The following JPT2 variants were observed in gnomAD, a reference collection of about 807,000 sequenced individuals.
JPT2 encodes CRAMP_1 like.
JPT2 carries 9 observed loss-of-function variants against 15.9 expected under a neutral mutation model. The ratio of observed to expected loss-of-function variants is 0.57; its 90% CI spans 0.34 to 0.99. The LOEUF (loss-of-function observed/expected upper bound fraction) is 0.99. JPT2 is among the 50% of genes least tolerant of loss of function. The pLI, the probability that JPT2 is intolerant of heterozygous loss-of-function variation, is 0.02. For missense variants in JPT2, 267 were observed against 252.1 expected (o/e 1.06, Z -0.40); for synonymous variants, 95 against 91.7 (o/e 1.04, Z -0.21).
At chr16:1,697,916 T>C in intron 4 of JPT2, 56 bp downstream of exon 4, 8 of 1,483,478 alleles carry the variant, frequency 5.4e-6, no homozygotes, top group Non-Finnish European at 7.5e-6. Flanking sequence ...TCTGGAAGAG[T>C]TGCTAGTCTC....
chr16:1,697,771 T>C, intron 3 of JPT2, 41 bp from the exon 4 acceptor site: 1 of 1,601,526 alleles, frequency 6.2e-7, no homozygotes. Context: ...AGGGTAAAAT[T>C]TTCTGAGTGA....
Position 1,682,205 on chromosome 16 carries a change from G to A in JPT2, c.45-3234G>A, listed in dbSNP as rs141806366. On this transcript the variant is annotated intron_variant, in intron 1 of 4. Coordinates refer to ENST00000248098, the MANE Select transcript of JPT2 (RefSeq NM_144570.3). ...AGCCTGGCCGACGTGGTGAAACCCC[G>A]TCTGTACTAAAAATACAAAAAAATA... 1.3e-4 allele frequency among the ~76,000 whole-genome samples: 20 copies of A among 151,852 alleles called. No homozygotes were observed. The East Asian group carries it at 2.7e-3, about 21-fold the overall frequency.
chr16:1,695,172 G>A (rs1461309019), intron 3 of JPT2, among the ~76,000 whole-genome samples: 1 of 152,124 alleles, frequency 6.6e-6, no homozygotes, highest in African/African-American at 2.4e-5. Context: ...TTGGGAGGCC[G>A]AGGCAGGCGG....
At chr16:1,680,391 C>A (rs903772423) in intron 1 of JPT2, 41 of 1,085,082 alleles carry the variant, frequency 3.8e-5, no homozygotes, top group Middle Eastern at 2.6e-4. Flanking sequence ...TAAAGTCATA[C>A]TCACACTACC....
chr16:1,692,266 G>A lies in JPT2; in HGVS notation c.336+281G>A, dbSNP rs537581438. 264 of 445,134 alleles carry A rather than the reference G, an allele frequency of 5.9e-4. 1 individual carries two copies. Among genetic ancestry groups the A allele is most frequent in the African/African-American group, 4.8e-3 (243 of 50,528 alleles). 27.6% of individuals were successfully genotyped at this position (445,134 alleles called of 1,614,324 possible). ...TGGCGGCTCCTCACTGCAGTGCTGC[G>A]GGGCGCGGAGAAGCGGTGGGGAGCG... On this transcript the variant is annotated intron_variant, in intron 3 of 4. Coordinates refer to ENST00000248098, the MANE Select transcript of JPT2 (RefSeq NM_144570.3).
chr16:1,679,743 C>G (rs1393290714), intron 1 of JPT2, among the ~76,000 whole-genome samples: 2 of 149,262 alleles, frequency 1.3e-5, no homozygotes, highest in Admixed American at 1.3e-4. Context: ...GGTCAGTATT[C>G]AGTAATACTT....
downstream of JPT2, chr16:1,702,272 C>G (rs866137674): frequency 4.7e-6 from 2 of 429,070 alleles, no homozygotes. Context: ...AACCAACATG[C>G]ATTAACTGAA....
At chr16:1,693,215 G>C (rs2037116436) in intron 3 of JPT2, among the ~76,000 whole-genome samples, 1 of 152,178 alleles carries the variant, frequency 6.6e-6, no homozygotes, top group African/African-American at 2.4e-5. Context: ...TTCTGCCTCA[G>C]CGTCCCGAGT....
intron 1 of JPT2, chr16:1,683,667 T>C (rs565257549): frequency 9.6e-7 from 1 of 1,039,580 alleles, no homozygotes; most frequent in Admixed American, 2.1e-5. Context: ...ACTGAAGCAC[T>C]CTCTGCCTTC....
In JPT2 at chr16:1,698,317, C is replaced by T. The variant is rs971351717; in HGVS notation, c.385+457C>T. Among the ~76,000 whole-genome samples the T allele has an allele frequency of 8.5e-5, 13 of 152,240 alleles. No individual in the cohort carries two copies. Among genetic ancestry groups the T allele is most frequent in the Admixed American group, 8.5e-4 (13 of 15,288 alleles). ...TCTCCCCACGGCTCTTTAGCCTGACCATGGGCATCGGTTTCTGCCTTTGGG... is the reference window on the plus strand; with the variant it reads ...TCTCCCCACGGCTCTTTAGCCTGACTATGGGCATCGGTTTCTGCCTTTGGG... On this transcript the variant is annotated intron_variant, in intron 4 of 4. Transcript: ENST00000248098. This position sits in a 1 kb window ranked among gnomAD's most constrained non-coding sequence, Gnocchi z 4.9.
rs774088215 is a variant in JPT2, at chr16:1,684,959, A to C, written c.45-480A>C. 5.9e-4 allele frequency among the ~76,000 whole-genome samples: 90 copies of C among 151,976 alleles called. 1 individual carries two copies. The highest frequency in any genetic ancestry group is 1.3e-3 in the African/African-American group (54 of 41,364). On this transcript the variant is annotated intron_variant, in intron 1 of 4. Transcript: ENST00000248098. ...TTTAAGGGAAACTAAAGAGCAGCAG[A>C]AGTAGTCTGGCGTCTGTAAACTAGT...
At chr16:1,692,923 A>G (rs567484430) in intron 3 of JPT2, among the ~76,000 whole-genome samples, 3 of 152,180 alleles carry the variant, frequency 2.0e-5, no homozygotes, top group Non-Finnish European at 4.4e-5. Flanking sequence ...TAAAATGGAA[A>G]TGTAGACAGA....
At chr16:1,684,916 A>C (rs1023626970) in intron 1 of JPT2, among the ~76,000 whole-genome samples, 1 of 150,496 alleles carries the variant, frequency 6.6e-6, no homozygotes, top group South Asian at 2.1e-4. Context: ...ATCTCAAAAA[A>C]AAAAAAAAAA....
At position 1,685,472 on chromosome 16, in the gene JPT2, T is replaced by G; in HGVS notation, c.78T>G (p.Asn26Lys). The G allele has an allele frequency of 6.2e-7, 1 of 1,614,128 alleles. No homozygotes were observed. The highest frequency in any genetic ancestry group is 1.1e-5 in the South Asian group (1 of 91,080). ...AGCCCCCAGGAGGAGAATCGAGCAA[T>G]CTTTTTGGAAGTCCAGAAGAAGCTA... Reference protein sequence around the residue: ...AMKPPGGESSNLFGSPEEATP... With the variant: ...AMKPPGGESSKLFGSPEEATP... The change falls in exon 2 of 5, where the codon AAT becomes AAG. Residue 26 changes from asparagine (N) to lysine (K), a missense_variant. Asn to Lys is a moderately conservative substitution (Grantham distance 94, BLOSUM62 0). Transcript: ENST00000248098.
intron 1 of JPT2, among the ~76,000 whole-genome samples, chr16:1,684,097 AAAG>A (rs1173670195): frequency 2.8e-4 from 43 of 152,320 alleles, no homozygotes; most frequent in Non-Finnish European, 1.9e-4. Context: ...TAATGACAGA[AAAG>A]AAGTCTGTAG....
At chr16:1,690,626 T>C (rs1334353193) in intron 2 of JPT2, 1 of 152,212 alleles carries the variant, frequency 6.6e-6, no homozygotes, top group Admixed American at 6.5e-5. Flanking sequence ...TGTTAAGCAG[T>C]GTGGAGCCCC....
intron 2 of JPT2, chr16:1,689,493 C>G (rs1004767813): frequency 3.3e-5 from 5 of 152,134 alleles, no homozygotes; most frequent in African/African-American, 7.2e-5. Context: ...GAGACAGGAT[C>G]TTAGTCTGTC....
chr16:1,696,056 C>T (rs2037139081), intron 3 of JPT2, among the ~76,000 whole-genome samples: 1 of 151,844 alleles, frequency 6.6e-6, no homozygotes, highest in Non-Finnish European at 1.5e-5. Context: ...TGGTGAAACC[C>T]CATGTCTACT....
At chr16:1,685,674 C>A in intron 2 of JPT2, 87 bp downstream of exon 2, 1 of 1,369,094 alleles carries the variant, frequency 7.3e-7, no homozygotes, top group Non-Finnish European at 1.0e-6. Context: ...GATCCTTTCC[C>A]ATATTGTCTG....
Sources: allele counts gnomAD v4.1 joint callset (sites outside exome capture counted in the v4.1 genomes callset), GRCh38; gene constraint gnomAD v4.1.1; non-coding constraint Gnocchi (gnomAD v3.1); transcripts MANE v1.5; gene names NCBI Gene and HGNC (gene_info 2026-07-23, HGNC 2026-07-21).